The following RFTN1 variants were observed in gnomAD, a reference collection of about 807,000 sequenced individuals.
RFTN1 encodes raftlin, lipid raft linker 1.
In RFTN1, 26 loss-of-function variants were observed where a neutral mutation model predicts 46.5. The observed-to-expected ratio is 0.56, with a 90% confidence interval of 0.41 to 0.78. The LOEUF is 0.78. Among genes scored for constraint, RFTN1 ranks in the 30% least tolerant of loss-of-function variants. The pLI is 0.00. For missense variants in RFTN1, 693 were observed against 718.7 expected (o/e 0.96, Z 0.41); for synonymous variants, 261 against 284.2 (o/e 0.92, Z 0.82).
At chr3:16,349,597 ACAAGAAAAGGGTATGTT>A (rs1431125240) in intron 7 of RFTN1, 1 of 152,274 alleles carries the variant, frequency 6.6e-6, no homozygotes, top group East Asian at 1.9e-4. Context: ...AAGAAGTTGC[ACAAGAAAAGGGTATGTT>A]CAAGACAATA....
Position 16,468,458 on chromosome 3 carries a change from G to T in RFTN1, c.145+25267C>A, listed in dbSNP as rs567684250. On this transcript the variant is annotated intron_variant, in intron 2 of 9. Transcript: ENST00000334133. This position sits in a 1 kb window ranked among gnomAD's most constrained non-coding sequence, Gnocchi z 4.4. ...ACAACACTGACAGAGTGAAGGGCAC[G>T]TTTCTCCCTTTGGTGGGATTTTCTC... 6.6e-6 allele frequency among the ~76,000 whole-genome samples: 1 copy of T among 152,052 alleles called. No homozygotes were observed.
chr3:16,377,877 G>T lies in RFTN1; in HGVS notation c.667C>A (p.Pro223Thr). ...ACCTCCCCTCTGGGGCCTGAGCTGGGCTCTGGGCTTTGGTTTCTCCCAGCC... is the reference window on the plus strand; with the variant it reads ...ACCTCCCCTCTGGGGCCTGAGCTGGTCTCTGGGCTTTGGTTTCTCCCAGCC... ...APAGRNQSPE[P>T]SSGPRGEVPL... is the part of the protein sequence containing the mutation. Residue 223 changes from proline to threonine, a missense_variant, in exon 5 of 10, where the codon CCC becomes ACC. Physicochemically the swap from Pro to Thr is conservative, Grantham distance 38. Coordinates refer to ENST00000334133, the MANE Select transcript of RFTN1 (RefSeq NM_015150.2). 2 of 1,614,200 alleles carry T rather than the reference G, an allele frequency of 1.2e-6. No individual in the cohort carries two copies. The highest frequency in any genetic ancestry group is 1.7e-6 in the Non-Finnish European group (2 of 1,180,034).
intron 2 of RFTN1, among the ~76,000 whole-genome samples, chr3:16,438,382 C>G (rs1291621892): frequency 6.6e-6 from 1 of 151,658 alleles, no homozygotes; most frequent in South Asian, 2.1e-4. Context: ...AGCAGGAGTT[C>G]GAGACCAGCC....
At chr3:16,478,948 GA>G (rs1274362213) in intron 2 of RFTN1, among the ~76,000 whole-genome samples, 1 of 152,164 alleles carries the variant, frequency 6.6e-6, no homozygotes, top group Non-Finnish European at 1.5e-5. Context: ...TCTCGGAAGT[GA>G]TAACCCATCA....
At position 16,466,169 on chromosome 3, in the gene RFTN1, G is replaced by A. The variant is rs372524303; in HGVS notation, c.145+27556C>T. 2.0e-5 allele frequency among the ~76,000 whole-genome samples: 3 copies of A among 152,064 alleles called. No homozygotes were observed. Among genetic ancestry groups the A allele is most frequent in the Non-Finnish European group, 4.4e-5 (3 of 68,006 alleles). On this transcript the variant is annotated intron_variant, in intron 2 of 9. Coordinates refer to ENST00000334133, the MANE Select transcript of RFTN1 (RefSeq NM_015150.2). This position sits in a 1 kb window ranked among gnomAD's most constrained non-coding sequence, Gnocchi z 5.6. ...AATCTTGCATCTCTCATCACATTCCGTTTTCAGCCACTGTCTGCCTAGCAC... is the reference window on the plus strand; with the variant it reads ...AATCTTGCATCTCTCATCACATTCCATTTTCAGCCACTGTCTGCCTAGCAC...
rs1286167063 is a variant in RFTN1 at position 16,429,984 on chromosome 3, G to A, written c.332+3867C>T. ...CATTTAACAGCATCTATAACTGTCAGAACTTTGGCAGACTTTGTGAAAAGT... is the reference window on the plus strand; with the variant it reads ...CATTTAACAGCATCTATAACTGTCAAAACTTTGGCAGACTTTGTGAAAAGT... On this transcript the variant is annotated intron_variant, in intron 3 of 9. Coordinates refer to ENST00000334133, the MANE Select transcript of RFTN1 (RefSeq NM_015150.2). This position sits in a 1 kb window ranked among gnomAD's most constrained non-coding sequence, Gnocchi z 6.4. Among the ~76,000 whole-genome samples the A allele has an allele frequency of 1.3e-5, 2 of 152,178 alleles. No individual in the cohort carries two copies. The highest frequency in any genetic ancestry group is 2.9e-5 in the Non-Finnish European group (2 of 68,032).
chr3:16,324,115 T>C (rs564181123), intron 8 of RFTN1, among the ~76,000 whole-genome samples: 4 of 152,304 alleles, frequency 2.6e-5, no homozygotes, highest in South Asian at 2.1e-4. Flanking sequence ...GTTTTTTTTT[T>C]CCCCTGCTTC....
In RFTN1 at chr3:16,433,302, C is replaced by A. The variant is rs2125494174; in HGVS notation, c.332+549G>T. On this transcript the variant is annotated intron_variant, in intron 3 of 9. Transcript: ENST00000334133. This position sits in a 1 kb window ranked among gnomAD's most constrained non-coding sequence, Gnocchi z 4.4. ...GGGCAAGCCAAACTGAAAAACATCC[C>A]CAAGCCCTGAAAATCTAAATCAAGA... is the stretch of plus-strand genomic sequence containing the variant. Among the ~76,000 whole-genome samples, 1 of 152,196 alleles carries A rather than the reference C, an allele frequency of 6.6e-6. No individual in the cohort carries two copies. The highest frequency in any genetic ancestry group is 1.5e-5 in the Non-Finnish European group (1 of 68,010).
intron 4 of RFTN1, among the ~76,000 whole-genome samples, chr3:16,378,883 T>C (rs376855599): frequency 5.3e-4 from 81 of 152,340 alleles, no homozygotes; most frequent in African/African-American, 1.9e-3. Flanking sequence ...AGTACCGAGG[T>C]ACTTGAACTT....
At position 16,433,752 on chromosome 3, in the gene RFTN1, C is replaced by T; in HGVS notation, c.332+99G>A. The T allele has an allele frequency of 7.6e-7, 1 of 1,308,544 alleles. No homozygotes were observed. The highest frequency in any genetic ancestry group is 1.1e-6 in the Non-Finnish European group (1 of 908,800). The allele number at this position is 1,308,544 out of a possible 1,614,324, so 81.1% of individuals were successfully genotyped here. ...GGGCTGAGGCCCTGAGGACAGCATGCAAATTTCAACCCCCAACCCCATCCT... is the reference window on the plus strand; with the variant it reads ...GGGCTGAGGCCCTGAGGACAGCATGTAAATTTCAACCCCCAACCCCATCCT... On this transcript the variant is annotated intron_variant, in intron 3 of 9. Transcript: ENST00000334133. This position sits in a 1 kb window ranked among gnomAD's most constrained non-coding sequence, Gnocchi z 4.4.
chr3:16,357,147 AACAAAC>A lies in RFTN1; in HGVS notation c.1146+779_1146+784del, dbSNP rs1364261073. Among the ~76,000 whole-genome samples, 45 of 151,128 alleles carry A rather than the reference AACAAAC, an allele frequency of 3.0e-4. No individual in the cohort carries two copies. The Middle Eastern group carries it at 0.01, about 35-fold the overall frequency. On this transcript the variant is annotated intron_variant, in intron 7 of 9. Transcript: ENST00000334133. ...AAAAAAACAAAAAAACAAACAAACA[AACAAAC>A]AAAAAAAACCAAGAATTCAGTTCTC...
chr3:16,435,246 C>G (rs2075479946), intron 2 of RFTN1, among the ~76,000 whole-genome samples: 1 of 152,194 alleles, frequency 6.6e-6, no homozygotes, highest in African/African-American at 2.4e-5. Context: ...ACACACCTAG[C>G]TTTTTAGAAT....
rs563042027 is a variant in RFTN1, at chr3:16,345,828, G to C, written c.1146+12104C>G. Among the ~76,000 whole-genome samples, 1 of 75,692 alleles carries C rather than the reference G, an allele frequency of 1.3e-5. No homozygotes were observed. Among genetic ancestry groups the C allele is most frequent in the Non-Finnish European group, 2.8e-5 (1 of 35,754 alleles). 49.7% of individuals were successfully genotyped at this position (75,692 alleles called of 152,430 possible). On this transcript the variant is annotated intron_variant, in intron 7 of 9. Coordinates refer to ENST00000334133, the MANE Select transcript of RFTN1 (RefSeq NM_015150.2). This position sits in a 1 kb window ranked among gnomAD's most constrained non-coding sequence, Gnocchi z 5.2. ...TGTGTGTGTGTGTGTGCGCGCGCGCGTGCGCGCACGCGCACATGTGCATGT... is the reference window on the plus strand; with the variant it reads ...TGTGTGTGTGTGTGTGCGCGCGCGCCTGCGCGCACGCGCACATGTGCATGT...
In RFTN1 at chr3:16,460,829, A is replaced by T. The variant is rs57520832; in HGVS notation, c.146-26792T>A. On this transcript the variant is annotated intron_variant, in intron 2 of 9. Transcript: ENST00000334133. The surrounding 1 kb of genome is among the most constrained non-coding windows in gnomAD (Gnocchi z 4.8). Reference sequence around the variant, plus strand: ...AGACATGTGGCCACCACAGCTGTGAAGTGGCCCACTCTCTCCCACCTACCC... The same window carrying T: ...AGACATGTGGCCACCACAGCTGTGATGTGGCCCACTCTCTCCCACCTACCC... Among the ~76,000 whole-genome samples, 26,102 of 152,206 alleles carry T rather than the reference A, an allele frequency of 0.17. 2,469 individuals are homozygous for T. Among genetic ancestry groups the T allele is most frequent in the East Asian group, 0.26 (1,325 of 5,164 alleles).
intron 2 of RFTN1, among the ~76,000 whole-genome samples, chr3:16,487,345 G>C (rs1181890606): frequency 6.6e-6 from 1 of 152,198 alleles, no homozygotes; most frequent in African/African-American, 2.4e-5. Context: ...ATGGTACATT[G>C]TTATGACTTA....
At position 16,510,605 on chromosome 3, in the gene RFTN1, C is replaced by T. The variant is rs111626185; in HGVS notation, c.-9+2837G>A. Among the ~76,000 whole-genome samples, 739 of 152,322 alleles carry T rather than the reference C, an allele frequency of 4.9e-3. 4 individuals carry two copies. The highest frequency in any genetic ancestry group is 7.3e-3 in the Non-Finnish European group (499 of 68,028). The stretch of plus-strand genomic sequence containing the variant: ...CCAGAAGAACACTAGTCAAACCATG[C>T]TCTTGACTTTAGGATAGGAAAGACA... On this transcript the variant is annotated intron_variant, in intron 1 of 9. Transcript: ENST00000334133.
intron 8 of RFTN1, among the ~76,000 whole-genome samples, chr3:16,324,621 C>A (rs896293569): frequency 2.2e-5 from 3 of 136,484 alleles, no homozygotes; most frequent in African/African-American, 8.0e-5. Context: ...TGACCCCCCC[C>A]CTTTTAAGGT....
At chr3:16,392,711 G>A (rs2074380540) in intron 4 of RFTN1, among the ~76,000 whole-genome samples, 1 of 151,332 alleles carries the variant, frequency 6.6e-6, no homozygotes, top group South Asian at 2.1e-4. Context: ...TAAAAGTCTG[G>A]AAATTTTCCT....
At chr3:16,386,815 T>C (rs1213864032) in intron 4 of RFTN1, among the ~76,000 whole-genome samples, 1 of 152,050 alleles carries the variant, frequency 6.6e-6, no homozygotes, top group East Asian at 1.9e-4. Context: ...GGCCCGGAAG[T>C]AACTGCAGAG....
Sources: gnomAD v4.1 joint callset for allele counts (sites outside exome capture counted in the v4.1 genomes callset) on GRCh38, gnomAD v4.1.1 for gene constraint, Gnocchi (gnomAD v3.1) non-coding constraint, MANE v1.5 for transcripts, NCBI Gene and HGNC (gene_info 2026-07-23, HGNC 2026-07-21) for gene names.